SLK: variants seen among roughly 807,000 people sequenced by gnomAD.
The protein encoded by SLK is STE20-like serine/threonine-protein kinase.
A neutral mutation model predicts 147.7 loss-of-function variants in SLK; 67 were observed. That is an observed-to-expected ratio of 0.45 (90% CI 0.37 to 0.56). The LOEUF (loss-of-function observed/expected upper bound fraction) is 0.56. SLK is among the 20% of genes least tolerant of loss of function. SLK has a pLI of 0.00. For missense variants in SLK, 1,136 were observed against 1,438.8 expected (o/e 0.79, Z 3.41); for synonymous variants, 441 against 475.0 (o/e 0.93, Z 0.93).
intron 1 of SLK, among the ~76,000 whole-genome samples, chr10:103,978,500 T>G (rs2134450370): frequency 6.6e-6 from 1 of 152,264 alleles, no homozygotes; most frequent in South Asian, 2.1e-4. Flanking sequence ...ACTGAGATGG[T>G]TTTGAAATTT....
At chr10:104,013,501 A>G (rs913337228) in intron 13 of SLK, among the ~76,000 whole-genome samples, 1 of 152,254 alleles carries the variant, frequency 6.6e-6, no homozygotes, top group African/African-American at 2.4e-5. Context: ...CAGATGAGAA[A>G]GAGGTCCATC....
At chr10:104,016,314 C>G (rs12242363) in intron 13 of SLK, among the ~76,000 whole-genome samples, 9,588 of 148,342 alleles carry the variant, frequency 0.065, 1,018 homozygotes, top group African/African-American at 0.22. Flanking sequence ...GCAAGACTCT[C>G]TTTCAAAAAA....
chr10:103,990,158 A>C (rs1429720414), intron 1 of SLK, among the ~76,000 whole-genome samples: 2 of 152,230 alleles, frequency 1.3e-5, no homozygotes, highest in Non-Finnish European at 2.9e-5. Flanking sequence ...TGCAGTAAAA[A>C]GATCAGTGGT....
Position 104,026,723 on chromosome 10 carries a change from A to C in SLK, c.*1003A>C, listed in dbSNP as rs1369045374. 6.6e-6 allele frequency: 1 copy of C among 152,202 alleles called. No individual in the cohort carries two copies. The highest frequency in any genetic ancestry group is 1.9e-4 in the East Asian group (1 of 5,192). 9.4% of individuals were successfully genotyped at this position (152,202 alleles called of 1,614,324 possible). ...AAATATATCTTCAGAAATTAATCTT[A>C]AAAGAGGCATTAGTTCAGAATACTT... On this transcript the variant is annotated 3_prime_UTR_variant, in exon 19 of 19. Transcript: ENST00000369755.
chr10:103,987,579 A>G (rs1844034801), intron 1 of SLK, among the ~76,000 whole-genome samples: 2 of 152,192 alleles, frequency 1.3e-5, no homozygotes, highest in South Asian at 4.1e-4. Flanking sequence ...TTATTGAAAC[A>G]TTTATTAACT....
At chr10:103,989,879 C>G (rs1450801629) in intron 1 of SLK, among the ~76,000 whole-genome samples, 1 of 152,148 alleles carries the variant, frequency 6.6e-6, no homozygotes, top group Non-Finnish European at 1.5e-5. Flanking sequence ...CACAGAAACC[C>G]GCACATACAT....
chr10:103,979,909 G>A (rs900932477), intron 1 of SLK, among the ~76,000 whole-genome samples: 1 of 151,984 alleles, frequency 6.6e-6, no homozygotes, highest in Non-Finnish European at 1.5e-5. Flanking sequence ...TAATGTTTTT[G>A]TCTTAAGAAA....
chr10:104,001,404 T>C, intron 7 of SLK, 40 bp from the exon 8 acceptor site: 2 of 1,514,902 alleles, frequency 1.3e-6, no homozygotes, highest in Non-Finnish European at 1.8e-6. Flanking sequence ...AGTTTAGTAG[T>C]ATTCCAGTTG....
intron 17 of SLK, 92 bp downstream of exon 17, chr10:104,020,705 C>A: frequency 1.5e-6 from 2 of 1,345,148 alleles, no homozygotes; most frequent in Non-Finnish European, 2.0e-6. Context: ...AAGTCAACTG[C>A]ATCATACACG....
intron 11 of SLK, 52 bp from the exon 12 acceptor site, chr10:104,008,125 T>TA: frequency 7.4e-7 from 1 of 1,353,672 alleles, no homozygotes; most frequent in Non-Finnish European, 1.0e-6. Context: ...TACTATAAGG[T>TA]ATTAATATGG....
chr10:104,020,748 T>G (rs1844523828), intron 17 of SLK, 135 bp downstream of exon 17: 1 of 855,592 alleles, frequency 1.2e-6, no homozygotes. Flanking sequence ...CTGTTTTTTG[T>G]ACAGATCCAA....
chr10:103,999,222 A>T lies in SLK; in HGVS notation c.691A>T (p.Ile231Leu). 6.2e-7 allele frequency: 1 copy of T among 1,613,856 alleles called. No homozygotes were observed. ...LGITLIEMAEIEPPHHELNPM... is the reference protein window; with the variant it reads ...LGITLIEMAELEPPHHELNPM... ...TATCACTTTAATAGAAATGGCTGAG[A>T]TAGAACCACCTCATCATGAATTAAA... The change falls in exon 6 of 19, where the codon ATA (isoleucine) becomes TTA (leucine). Residue 231 changes from isoleucine (I) to leucine (L), a missense_variant. Physicochemically the swap from Ile to Leu is conservative, Grantham distance 5 (BLOSUM62 2). This residue lies in a region of SLK where 141 missense variants were observed against 219.3 expected (regional missense o/e 0.64). Transcript: ENST00000369755.
At chr10:103,977,890 A>C (rs1040460046) in intron 1 of SLK, among the ~76,000 whole-genome samples, 2 of 152,330 alleles carry the variant, frequency 1.3e-5, no homozygotes, top group South Asian at 4.1e-4. Context: ...ATGTAAAAAA[A>C]GTTGTATAGA....
intron 7 of SLK, among the ~76,000 whole-genome samples, chr10:104,000,307 G>A (rs1844228785): frequency 6.6e-6 from 1 of 152,128 alleles, no homozygotes; most frequent in Non-Finnish European, 1.5e-5. Context: ...TTAAAAAAAT[G>A]TTGTTAAAGC....
rs2134550448 is a variant in SLK, at chr10:104,029,042, G to A, written c.*3322G>A. On this transcript the variant is annotated 3_prime_UTR_variant, in exon 19 of 19. Transcript: ENST00000369755. Reference sequence around the variant, plus strand: ...AACATTCCTGCTACTAATTTTGGCGGAGAGTGTTTGCCAGGTTTCAATGTG... The same window carrying A: ...AACATTCCTGCTACTAATTTTGGCGAAGAGTGTTTGCCAGGTTTCAATGTG... The A allele has an allele frequency of 6.6e-6, 1 of 152,300 alleles. No homozygotes were observed. Among genetic ancestry groups the A allele is most frequent in the South Asian group, 2.1e-4 (1 of 4,820 alleles). The allele number at this position is 152,300 out of a possible 1,614,324, so 9.4% of individuals were successfully genotyped here.
intron 13 of SLK, among the ~76,000 whole-genome samples, chr10:104,016,905 C>G (rs553173539): frequency 1.2e-4 from 19 of 152,300 alleles, no homozygotes; most frequent in South Asian, 4.1e-4. Flanking sequence ...AAGTGAAATT[C>G]TGCTTCAATT....
intron 3 of SLK, 45 bp downstream of exon 3, chr10:103,992,691 T>C (rs370207595): frequency 6.6e-7 from 1 of 1,508,388 alleles, no homozygotes; most frequent in Non-Finnish European, 9.0e-7. Flanking sequence ...AAATTATACT[T>C]GATAAGATGA....
intron 13 of SLK, among the ~76,000 whole-genome samples, chr10:104,017,575 A>T (rs1844479806): frequency 6.6e-6 from 1 of 152,040 alleles, no homozygotes; most frequent in Non-Finnish European, 1.5e-5. Flanking sequence ...CACCCTCTAG[A>T]TTCAAGCAAT....
chr10:104,013,758 A>C (rs1443648948), intron 13 of SLK, among the ~76,000 whole-genome samples: 1 of 152,184 alleles, frequency 6.6e-6, no homozygotes, highest in Admixed American at 6.5e-5. Context: ...CTGCCTTTTC[A>C]CATGTGCCTT....
Sources: gnomAD v4.1 joint callset for allele counts (sites outside exome capture counted in the v4.1 genomes callset) on GRCh38, gnomAD v4.1.1 for gene constraint, gnomAD v4.1.1 regional missense constraint, MANE v1.5 for transcripts, NCBI Gene and HGNC (gene_info 2026-07-23, HGNC 2026-07-21) for gene names.